Variants in ZMAT4 observed in about 807,000 individuals in gnomAD.
ZMAT4 encodes the protein zinc finger matrin-type protein 4.
In ZMAT4, 17 loss-of-function variants were observed where a neutral mutation model predicts 28.7. The ratio of observed to expected loss-of-function variants is 0.59; its 90% CI spans 0.41 to 0.89. The LOEUF (loss-of-function observed/expected upper bound fraction) is 0.89, where lower values mean the gene tolerates loss of function less well. Among genes scored for constraint, ZMAT4 ranks in the 40% least tolerant of loss-of-function variants. The probability of loss-of-function intolerance (pLI) is 0.00; values close to 1 mark genes in which losing one functional copy is unlikely to be tolerated. For synonymous variants in ZMAT4, 117 were observed against 109.2 expected (o/e 1.07, Z -0.44); for missense variants, 240 against 283.8 (o/e 0.85, Z 1.11).
intron 2 of ZMAT4, among the ~76,000 whole-genome samples, chr8:40,788,668 A>G (rs545539991): frequency 6.6e-6 from 1 of 152,142 alleles, no homozygotes; most frequent in South Asian, 2.1e-4. Context: ...AAAAACACCA[A>G]TTGTACACCA....
At chr8:40,691,404 CA>C (rs10581532) in intron 4 of ZMAT4, among the ~76,000 whole-genome samples, 32,740 of 137,482 alleles carry the variant, frequency 0.24, 4,705 homozygotes, top group East Asian at 0.42. Flanking sequence ...AAATAGACTG[CA>C]AAAAAAAAAA....
At chr8:40,770,316 A>G (rs577568505) in intron 2 of ZMAT4, among the ~76,000 whole-genome samples, 1 of 152,218 alleles carries the variant, frequency 6.6e-6, no homozygotes, top group East Asian at 1.9e-4. Flanking sequence ...GTGTGGAGTC[A>G]CATTCCCAAT....
chr8:40,665,487 G>A (rs1808373907), intron 5 of ZMAT4, among the ~76,000 whole-genome samples: 1 of 152,090 alleles, frequency 6.6e-6, no homozygotes, highest in Non-Finnish European at 1.5e-5. Flanking sequence ...TCTCACCCAG[G>A]CCCCCATGAA....
intron 1 of ZMAT4, among the ~76,000 whole-genome samples, chr8:40,870,113 C>T (rs9918738): frequency 6.6e-6 from 1 of 152,104 alleles, no homozygotes; most frequent in South Asian, 2.1e-4. Context: ...AAATGTACAC[C>T]TATAAAGGAA....
chr8:40,897,107 A>C (rs760602814), intron 1 of ZMAT4, among the ~76,000 whole-genome samples: 37 of 151,732 alleles, frequency 2.4e-4, no homozygotes, highest in Non-Finnish European at 4.4e-4. Context: ...GTAGGTGCCC[A>C]CCAGGTCAAA....
At chr8:40,789,269 C>T (rs1413431732) in intron 2 of ZMAT4, among the ~76,000 whole-genome samples, 8 of 152,160 alleles carry the variant, frequency 5.3e-5, no homozygotes, top group Non-Finnish European at 4.4e-5. Flanking sequence ...CCTATGAAAA[C>T]TTACGGCTAG....
chr8:40,808,517 A>G (rs1422000408), intron 2 of ZMAT4: 1 of 455,754 alleles, frequency 2.2e-6, no homozygotes, highest in South Asian at 1.6e-5. Context: ...ACCTTGACTT[A>G]TTGACACAGC....
At chr8:40,571,038 C>T (rs1276736041) in intron 6 of ZMAT4, among the ~76,000 whole-genome samples, 2 of 152,032 alleles carry the variant, frequency 1.3e-5, no homozygotes, top group Non-Finnish European at 2.9e-5. Context: ...ATCATCAGCT[C>T]GGAACCATTC....
intron 4 of ZMAT4, among the ~76,000 whole-genome samples, chr8:40,694,371 G>A (rs757918747): frequency 2.0e-5 from 3 of 152,102 alleles, no homozygotes; most frequent in African/African-American, 7.2e-5. Context: ...TAGAATTCAG[G>A]TTCCTGTTTT....
chr8:40,808,972 C>T (rs1815206241), intron 2 of ZMAT4, among the ~76,000 whole-genome samples: 2 of 152,054 alleles, frequency 1.3e-5, no homozygotes, highest in South Asian at 4.1e-4. Context: ...AGTACTAGGA[C>T]TGCTGGGTCG....
intron 3 of ZMAT4, among the ~76,000 whole-genome samples, chr8:40,720,791 G>A (rs888603850): frequency 2.0e-5 from 3 of 151,942 alleles, no homozygotes; most frequent in African/African-American, 7.3e-5. Context: ...CTCCCAAAAT[G>A]CTGGGATTAC....
At chr8:40,748,581 G>A (rs1563455863) in intron 3 of ZMAT4, among the ~76,000 whole-genome samples, 1 of 152,148 alleles carries the variant, frequency 6.6e-6, no homozygotes, top group Non-Finnish European at 1.5e-5. Context: ...GCCAAGTAAT[G>A]ACAAGTTGTG....
chr8:40,756,746 G>A (rs1051775911), intron 3 of ZMAT4, among the ~76,000 whole-genome samples: 1 of 150,742 alleles, frequency 6.6e-6, no homozygotes, highest in African/African-American at 2.4e-5. Flanking sequence ...CTGAACCATT[G>A]CTCTTAAATA....
intron 5 of ZMAT4, among the ~76,000 whole-genome samples, chr8:40,655,595 A>AG (rs1179540201): frequency 2.7e-5 from 4 of 149,612 alleles, no homozygotes; most frequent in African/African-American, 7.3e-5. Context: ...GCGGTGTTGC[A>AG]GAAAAAAAAA....
At chr8:40,860,726 G>A (rs138412452) in intron 1 of ZMAT4, among the ~76,000 whole-genome samples, 63 of 152,330 alleles carry the variant, frequency 4.1e-4, no homozygotes, top group African/African-American at 1.5e-3. Context: ...GTCCACAGAT[G>A]TTCATGAGCG....
chr8:40,750,437 TA>T (rs1812410914), intron 3 of ZMAT4, among the ~76,000 whole-genome samples: 4 of 152,096 alleles, frequency 2.6e-5, no homozygotes, highest in African/African-American at 9.7e-5. Flanking sequence ...CGGTGCTATG[TA>T]GGACAAAGGA....
chr8:40,738,124 C>T (rs1487398065), intron 3 of ZMAT4, among the ~76,000 whole-genome samples: 3 of 151,988 alleles, frequency 2.0e-5, no homozygotes, highest in South Asian at 2.1e-4. Context: ...GAGAATTAGA[C>T]GAGTAGGAGG....
At chr8:40,567,622 C>A (rs770375898) in intron 6 of ZMAT4, among the ~76,000 whole-genome samples, 2 of 151,492 alleles carry the variant, frequency 1.3e-5, no homozygotes, top group Admixed American at 6.6e-5. Flanking sequence ...TCACTTGAAC[C>A]CCCCTGGGAG....
intron 4 of ZMAT4, among the ~76,000 whole-genome samples, chr8:40,681,531 T>A (rs1809165688): frequency 6.6e-6 from 1 of 152,188 alleles, no homozygotes; most frequent in Non-Finnish European, 1.5e-5. Flanking sequence ...TGTAGTGCTG[T>A]CACCACACAG....
Sources: allele counts gnomAD v4.1 joint callset (sites outside exome capture counted in the v4.1 genomes callset), GRCh38; gene constraint gnomAD v4.1.1; transcripts MANE v1.5; gene names NCBI Gene and HGNC (gene_info 2026-07-23, HGNC 2026-07-21).